Variants in MAP3K19 observed in about 807,000 individuals in gnomAD.
MAP3K19 encodes mitogen-activated protein kinase kinase kinase 19, also known as SPS1/STE20-related protein kinase YSK4.
MAP3K19 carries 91 observed loss-of-function variants against 114.4 expected under a neutral mutation model. That is an observed-to-expected ratio of 0.80 (90% confidence interval 0.67 to 0.95). MAP3K19 has a LOEUF of 0.95. MAP3K19 is among the 40% of genes least tolerant of loss of function. The pLI, the probability that MAP3K19 is intolerant of heterozygous loss-of-function variation, is 0.00. For synonymous variants in MAP3K19, 518 were observed against 530.5 expected, an observed-to-expected ratio of 0.98 and a Z score of 0.32; for missense variants, 1,471 against 1,573.2, an observed-to-expected ratio of 0.94 and a Z score of 1.10.
rs375603597 is a variant in MAP3K19, at chr2:134,983,243, T to C, written c.3222+433A>G. The C allele has an allele frequency of 1.4e-3, 766 of 534,776 alleles. 4 individuals carry two copies. The highest frequency in any genetic ancestry group is 8.7e-3 in the African/African-American group (455 of 52,128). 33.1% of individuals were successfully genotyped at this position (534,776 alleles called of 1,614,324 possible). A position where few individuals can be genotyped will look rare whatever the true frequency, so the allele number is the denominator to read the frequency against. ...TTCACAAAATGGAAGGAACATCTTT[T>C]GTTTTTGCCATCTAGTAATGATTCT... On this transcript the variant is annotated intron_variant, in intron 11 of 12. Transcript: ENST00000392915.
intron 2 of MAP3K19, among the ~76,000 whole-genome samples, chr2:135,036,081 G>A (rs1002092567): frequency 6.6e-6 from 1 of 152,080 alleles, no homozygotes; most frequent in Non-Finnish European, 1.5e-5. Context: ...TGATCCGCCC[G>A]CCTCAGCCTC....
rs1407199969 is a variant in MAP3K19 at position 134,987,633 on chromosome 2, A to T, written c.1239T>A (p.Asn413Lys). 5 of 1,614,024 alleles carry T rather than the reference A, an allele frequency of 3.1e-6. No individual in the cohort carries two copies. The South Asian group carries it at 4.4e-5, about 14-fold the overall frequency. Residue 413 changes from asparagine to lysine, a missense_variant, in exon 10 of 13, where the codon AAT (asparagine) becomes AAA (lysine). Transcript: ENST00000392915. ...ATGAAACTCTTTTTGAAGCAGCTTT[A>T]TTATTTCTCATCTCTTCATCCTGGC... Reference protein sequence around the residue: ...TPSQDEEMRNNKAASKRVSLH... With the variant: ...TPSQDEEMRNKKAASKRVSLH...
intron 12 of MAP3K19, among the ~76,000 whole-genome samples, chr2:134,966,950 A>T (rs1485174997): frequency 6.6e-6 from 1 of 152,208 alleles, no homozygotes; most frequent in Non-Finnish European, 1.5e-5. Context: ...AAGGAAAGAC[A>T]TAAGAGACTC....
At chr2:134,972,571 A>G (rs1573911519) in intron 12 of MAP3K19, among the ~76,000 whole-genome samples, 2 of 151,126 alleles carry the variant, frequency 1.3e-5, no homozygotes, top group African/African-American at 4.9e-5. Context: ...CAATCCTCCC[A>G]CCCTAGCCTA....
chr2:134,973,741 TTCTC>T (rs1225896214), intron 12 of MAP3K19, among the ~76,000 whole-genome samples: 1 of 152,212 alleles, frequency 6.6e-6, no homozygotes, highest in Non-Finnish European at 1.5e-5. Flanking sequence ...TTTGAGTCCT[TTCTC>T]TACCTCTTTT....
At chr2:135,035,036 G>A (rs1393474373) in intron 2 of MAP3K19, among the ~76,000 whole-genome samples, 3 of 152,112 alleles carry the variant, frequency 2.0e-5, no homozygotes, top group Non-Finnish European at 4.4e-5. Flanking sequence ...ATTATGCTAA[G>A]TGAAAGAAGC....
At chr2:135,010,757 G>A (rs1264721757) in intron 5 of MAP3K19, among the ~76,000 whole-genome samples, 2 of 152,116 alleles carry the variant, frequency 1.3e-5, no homozygotes, top group Admixed American at 1.3e-4. Context: ...CCTCCAGGAA[G>A]TAACTGGAAC....
chr2:135,037,742 T>A (rs1254003806), intron 2 of MAP3K19, among the ~76,000 whole-genome samples: 2 of 152,132 alleles, frequency 1.3e-5, no homozygotes, highest in Non-Finnish European at 2.9e-5. Flanking sequence ...CACTGCACAT[T>A]GTAAATTATT....
intron 4 of MAP3K19, chr2:135,023,365 C>A: frequency 2.0e-6 from 1 of 500,336 alleles, no homozygotes; most frequent in East Asian, 5.9e-5. Context: ...GCTCAGCCCT[C>A]TGCAATTTTC....
chr2:134,971,842 T>C (rs1332998546), intron 12 of MAP3K19, among the ~76,000 whole-genome samples: 2 of 151,938 alleles, frequency 1.3e-5, no homozygotes, highest in African/African-American at 4.8e-5. Context: ...TTATTGATTT[T>C]ATTTTTTTTT....
At chr2:135,000,146 G>T in intron 6 of MAP3K19, 131 bp from the exon 7 acceptor site, 1 of 645,874 alleles carries the variant, frequency 1.5e-6, no homozygotes. Flanking sequence ...CAGGAGCTGA[G>T]GTTTAGCCAT....
Position 134,986,574 on chromosome 2 carries a change from G to C in MAP3K19, c.2298C>G (p.Asp766Glu). The C allele has an allele frequency of 6.2e-7, 1 of 1,614,190 alleles. No homozygotes were observed. Among genetic ancestry groups the C allele is most frequent in the Admixed American group, 1.7e-5 (1 of 60,020 alleles). The stretch of plus-strand genomic sequence containing the variant: ...CATTTCCTGAAGACTTTATCTGCCA[G>C]TCTGGTTCTGAAATACCATCACCAT... ...IENGDGISEP[D>E]WQIKSSGNEF... is the part of the protein sequence containing the mutation. Residue 766 changes from aspartate (D) to glutamate (E), a missense_variant, in exon 10 of 13, where the codon GAC becomes GAG. By Grantham distance (45) the Asp-to-Glu change is conservative. Coordinates refer to ENST00000392915, the MANE Select transcript of MAP3K19 (RefSeq NM_025052.5).
chr2:135,003,425 AT>A (rs1686590658), intron 6 of MAP3K19, among the ~76,000 whole-genome samples: 1 of 152,192 alleles, frequency 6.6e-6, no homozygotes, highest in Admixed American at 6.5e-5. Context: ...GAATTAAAAT[AT>A]TTTTAAGCCC....
At position 135,033,375 on chromosome 2, in the gene MAP3K19, C is replaced by A. The variant is rs1279359702; in HGVS notation, c.-283-2875G>T. 8.0e-5 allele frequency among the ~76,000 whole-genome samples: 9 copies of A among 113,158 alleles called. 2 individuals are homozygous for A. Among genetic ancestry groups the A allele is most frequent in the African/African-American group, 2.3e-4 (5 of 21,476 alleles). 74.2% of individuals were successfully genotyped at this position (113,158 alleles called of 152,430 possible). A position where few individuals can be genotyped will look rare whatever the true frequency, so the allele number is the denominator to read the frequency against. On this transcript the variant is annotated intron_variant, in intron 2 of 12. Coordinates refer to ENST00000392915, the MANE Select transcript of MAP3K19 (RefSeq NM_025052.5). The stretch of plus-strand genomic sequence containing the variant: ...GCAGCTGGCCGGGTGGGGGGCTGAC[C>A]CCCCCCACTGCCCTCCCGGACGGGG...
intron 6 of MAP3K19, among the ~76,000 whole-genome samples, chr2:135,002,322 TA>T (rs1229957932): frequency 1.3e-5 from 2 of 152,196 alleles, no homozygotes; most frequent in African/African-American, 4.8e-5. Context: ...AAACCATTAT[TA>T]AAACAAAAAC....
At chr2:134,976,066 C>T (rs1052195450) in intron 12 of MAP3K19, among the ~76,000 whole-genome samples, 17 of 152,214 alleles carry the variant, frequency 1.1e-4, no homozygotes, top group Admixed American at 8.5e-4. Flanking sequence ...TGCTGGGGAT[C>T]TGGCCACTCC....
At chr2:135,007,532 T>C (rs903257739) in intron 5 of MAP3K19, among the ~76,000 whole-genome samples, 1 of 152,196 alleles carries the variant, frequency 6.6e-6, no homozygotes, top group Non-Finnish European at 1.5e-5. Context: ...CTTTTCCTTT[T>C]TTTTTCTTTT....
rs187797522 is a variant in MAP3K19, at chr2:135,000,702, G to C, written c.236-687C>G. 6.6e-5 allele frequency among the ~76,000 whole-genome samples: 10 copies of C among 152,352 alleles called. 1 individual carries two copies. The highest frequency in any genetic ancestry group is 2.4e-4 in the African/African-American group (10 of 41,584). ...AGCTGATAAGAAAATAAAGAATGCA[G>C]TGAGATAAGCACTGTGATAGAAGCA... is the stretch of plus-strand genomic sequence containing the variant. On this transcript the variant is annotated intron_variant, in intron 6 of 12. Coordinates refer to ENST00000392915, the MANE Select transcript of MAP3K19 (RefSeq NM_025052.5).
chr2:134,983,073 C>A (rs920822188), intron 11 of MAP3K19: 1 of 396,354 alleles, frequency 2.5e-6, no homozygotes, highest in Non-Finnish European at 5.1e-6. Context: ...TTTCAATCTT[C>A]TAGCTAATTG....
Sources: gnomAD v4.1 joint callset for allele counts (sites outside exome capture counted in the v4.1 genomes callset) on GRCh38, gnomAD v4.1.1 for gene constraint, MANE v1.5 for transcripts, NCBI Gene and HGNC (gene_info 2026-07-23, HGNC 2026-07-21) for gene names.